The following DNM3 variants were observed in gnomAD, a reference collection of about 807,000 sequenced individuals.
DNM3 encodes the protein dynamin 3.
Under a neutral mutation model 101.6 loss-of-function variants are expected in DNM3, and 47 were observed. That is an observed-to-expected ratio of 0.46 (90% CI 0.37 to 0.59). DNM3 has a LOEUF of 0.59. DNM3 is among the 20% of genes least tolerant of loss of function. The pLI, the probability that DNM3 is intolerant of heterozygous loss-of-function variation, is 0.00. For missense variants in DNM3, 849 were observed against 1,085.7 expected, an observed-to-expected ratio of 0.78 and a Z score of 3.06; for synonymous variants, 385 against 387.9, an observed-to-expected ratio of 0.99 and a Z score of 0.09.
intron 14 of DNM3, among the ~76,000 whole-genome samples, chr1:172,149,829 T>G (rs2058061547): frequency 6.6e-6 from 1 of 152,108 alleles, no homozygotes; most frequent in African/African-American, 2.4e-5. Context: ...ACTACTTTTT[T>G]TTTTGCAGGG....
intron 14 of DNM3, chr1:172,138,417 C>G (rs1036588640): frequency 1.1e-4 from 16 of 143,684 alleles, no homozygotes; most frequent in African/African-American, 4.1e-4. Flanking sequence ...GACAAGAATT[C>G]TTAGAATAAT....
intron 1 of DNM3, among the ~76,000 whole-genome samples, chr1:171,872,318 C>T (rs1354811765): frequency 6.6e-6 from 1 of 152,034 alleles, no homozygotes; most frequent in East Asian, 1.9e-4. Context: ...TGTTATCTCC[C>T]ACCCCAAAAT....
intron 1 of DNM3, among the ~76,000 whole-genome samples, chr1:171,845,299 A>C (rs1333386913): frequency 2.0e-5 from 3 of 152,230 alleles, no homozygotes; most frequent in Non-Finnish European, 2.9e-5. Flanking sequence ...TTATAACCCC[A>C]GTATTTGGGG....
At chr1:172,251,988 G>T (rs952955277) in intron 14 of DNM3, among the ~76,000 whole-genome samples, 2 of 152,054 alleles carry the variant, frequency 1.3e-5, no homozygotes, top group Non-Finnish European at 2.9e-5. Flanking sequence ...TCTCATTTAC[G>T]ATTAAATTAT....
chr1:172,064,118 A>G (rs1025266560), intron 10 of DNM3, among the ~76,000 whole-genome samples: 7 of 152,130 alleles, frequency 4.6e-5, no homozygotes, highest in African/African-American at 1.4e-4. Flanking sequence ...TAAATTTAGG[A>G]ATGTAATTAT....
downstream of DNM3, among the ~76,000 whole-genome samples, chr1:172,414,907 A>T (rs1465182596): frequency 1.7e-5 from 1 of 60,376 alleles, no homozygotes; most frequent in East Asian, 1.4e-3. Context: ...ATCTCTAAAA[A>T]AAAAAAAAAA....
At chr1:172,056,572 A>G (rs1340288214) in intron 10 of DNM3, among the ~76,000 whole-genome samples, 3 of 152,124 alleles carry the variant, frequency 2.0e-5, no homozygotes, top group Non-Finnish European at 2.9e-5. Flanking sequence ...GGCACCCCCA[A>G]GCAGGGGCAC....
intron 17 of DNM3, among the ~76,000 whole-genome samples, chr1:172,333,293 G>A (rs186147940): frequency 7.2e-5 from 11 of 152,240 alleles, no homozygotes; most frequent in African/African-American, 2.4e-4. Context: ...GTGGTGGCGG[G>A]GAGCAGTAAC....
intron 4 of DNM3, among the ~76,000 whole-genome samples, chr1:171,995,556 C>T (rs2045943675): frequency 6.6e-6 from 1 of 152,050 alleles, no homozygotes; most frequent in African/African-American, 2.4e-5. Flanking sequence ...TTTCAGAGGT[C>T]CTTATTCCAG....
chr1:172,190,412 T>C (rs1312783372), intron 14 of DNM3, among the ~76,000 whole-genome samples: 10 of 152,302 alleles, frequency 6.6e-5, no homozygotes, highest in African/African-American at 2.2e-4. Context: ...CAGTCTATCA[T>C]TGATGGACAT....
chr1:172,284,917 G>A (rs760243748), intron 15 of DNM3, among the ~76,000 whole-genome samples: 5 of 152,162 alleles, frequency 3.3e-5, no homozygotes, highest in Non-Finnish European at 5.9e-5. Flanking sequence ...TACAGAGGGA[G>A]AATAATTTAT....
At chr1:172,224,501 A>G (rs1195035090) in intron 14 of DNM3, among the ~76,000 whole-genome samples, 1 of 152,152 alleles carries the variant, frequency 6.6e-6, no homozygotes, top group African/African-American at 2.4e-5. Context: ...TGTTTTGATG[A>G]AGATGAGGTG....
intron 15 of DNM3, among the ~76,000 whole-genome samples, chr1:172,275,711 A>G (rs2148765614): frequency 6.6e-6 from 1 of 152,234 alleles, no homozygotes; most frequent in South Asian, 2.1e-4. Context: ...GCACACTGTC[A>G]GGTGCTGCTA....
chr1:172,186,061 A>G (rs886175426), intron 14 of DNM3, among the ~76,000 whole-genome samples: 1 of 152,144 alleles, frequency 6.6e-6, no homozygotes, highest in Non-Finnish European at 1.5e-5. Context: ...ATTGTTAATC[A>G]ATAATTACAA....
At chr1:172,267,955 A>G (rs1171175323) in intron 15 of DNM3, among the ~76,000 whole-genome samples, 4 of 152,088 alleles carry the variant, frequency 2.6e-5, no homozygotes, top group East Asian at 3.9e-4. Context: ...CTCGTGATTC[A>G]CCCACCTTGG....
At chr1:172,061,503 G>T (rs1051920656) in intron 10 of DNM3, among the ~76,000 whole-genome samples, 6 of 151,384 alleles carry the variant, frequency 4.0e-5, no homozygotes, top group Non-Finnish European at 7.4e-5. Flanking sequence ...ATACACCATG[G>T]AATACTATGC....
At chr1:172,147,792 T>A (rs1443638821) in intron 14 of DNM3, among the ~76,000 whole-genome samples, 1 of 152,114 alleles carries the variant, frequency 6.6e-6, no homozygotes, top group Non-Finnish European at 1.5e-5. Flanking sequence ...TCATTATCCA[T>A]TCCAACTTCT....
chr1:172,011,446 C>T (rs975701387), intron 4 of DNM3, among the ~76,000 whole-genome samples: 4 of 151,954 alleles, frequency 2.6e-5, no homozygotes, highest in Non-Finnish European at 5.9e-5. Flanking sequence ...TGAACTCCAT[C>T]GATGTCTCCT....
intron 10 of DNM3, among the ~76,000 whole-genome samples, chr1:172,058,507 A>C (rs953255269): frequency 9.9e-5 from 15 of 152,080 alleles, no homozygotes; most frequent in African/African-American, 3.6e-4. Flanking sequence ...CTCAGACCAC[A>C]GTGCAATCAA....
Sources: gnomAD v4.1 joint callset for allele counts (sites outside exome capture counted in the v4.1 genomes callset) on GRCh38, gnomAD v4.1.1 for gene constraint, MANE v1.5 for transcripts, NCBI Gene and HGNC (gene_info 2026-07-23, HGNC 2026-07-21) for gene names.